The following NKAIN2 variants were observed in gnomAD, a reference collection of about 807,000 sequenced individuals.
NKAIN2 encodes the protein sodium/potassium transporting ATPase interacting 2, also known as sodium/potassium-transporting ATPase subunit beta-1-interacting protein 2.
A neutral mutation model predicts 32.6 loss-of-function variants in NKAIN2; 14 were observed. That is an observed-to-expected ratio of 0.43 (90% confidence interval 0.28 to 0.67). NKAIN2 has a LOEUF of 0.67. NKAIN2 is among the 30% of genes least tolerant of loss of function. The pLI is 0.17. For synonymous variants in NKAIN2, 80 were observed against 87.2 expected, an observed-to-expected ratio of 0.92 and a Z score of 0.46; for missense variants, 198 against 258.3, an observed-to-expected ratio of 0.77 and a Z score of 1.60.
intron 1 of NKAIN2, among the ~76,000 whole-genome samples, chr6:124,005,980 C>T (rs966549730): frequency 3.9e-5 from 6 of 152,182 alleles, no homozygotes; most frequent in African/African-American, 1.4e-4. Flanking sequence ...AGTCCTCTGT[C>T]TCTGACTTGC....
chr6:124,680,566 G>C (rs1267571046), intron 4 of NKAIN2, among the ~76,000 whole-genome samples: 1 of 152,030 alleles, frequency 6.6e-6, no homozygotes, highest in Non-Finnish European at 1.5e-5. Flanking sequence ...TGTCTTAGTG[G>C]TATTTGGCTA....
chr6:124,298,370 G>GA (rs1447677920), intron 2 of NKAIN2, among the ~76,000 whole-genome samples: 1 of 151,860 alleles, frequency 6.6e-6, no homozygotes, highest in African/African-American at 2.4e-5. Flanking sequence ...TGGTTCAGCA[G>GA]AAAAAAGTCC....
intron 1 of NKAIN2, among the ~76,000 whole-genome samples, chr6:124,255,235 T>C (rs1393609420): frequency 1.3e-5 from 2 of 152,222 alleles, no homozygotes; most frequent in Non-Finnish European, 2.9e-5. Context: ...GTTGGCCCCA[T>C]CTTGTGTACA....
intron 2 of NKAIN2, among the ~76,000 whole-genome samples, chr6:124,317,762 C>T (rs941442049): frequency 6.6e-6 from 1 of 152,024 alleles, no homozygotes; most frequent in African/African-American, 2.4e-5. Flanking sequence ...TTATTTTGAT[C>T]ATCAGACTAC....
At chr6:123,940,760 G>A (rs1380972116) in intron 1 of NKAIN2, among the ~76,000 whole-genome samples, 1 of 151,926 alleles carries the variant, frequency 6.6e-6, no homozygotes, top group Admixed American at 6.6e-5. Flanking sequence ...AGTGAGTCAC[G>A]GTGAGTGAAT....
At chr6:124,452,216 C>T (rs531286946) in intron 3 of NKAIN2, among the ~76,000 whole-genome samples, 5 of 149,364 alleles carry the variant, frequency 3.3e-5, no homozygotes, top group South Asian at 2.1e-4. Context: ...AAAAAACTGA[C>T]GTAATCCTTC....
At chr6:124,734,047 G>C (rs1776815071) in intron 4 of NKAIN2, among the ~76,000 whole-genome samples, 4 of 114,334 alleles carry the variant, frequency 3.5e-5, no homozygotes, top group Admixed American at 3.2e-4. Flanking sequence ...TATAATACCA[G>C]AAAATGAGGA....
At chr6:124,101,298 C>A (rs1164399156) in intron 1 of NKAIN2, among the ~76,000 whole-genome samples, 1 of 152,088 alleles carries the variant, frequency 6.6e-6, no homozygotes, top group East Asian at 1.9e-4. Flanking sequence ...TGCCAAACAC[C>A]TGAAGAAAAC....
At chr6:124,336,245 C>T (rs1212440346) in intron 2 of NKAIN2, among the ~76,000 whole-genome samples, 1 of 152,148 alleles carries the variant, frequency 6.6e-6, no homozygotes, top group Non-Finnish European at 1.5e-5. Context: ...GTCAAATCAT[C>T]GTGCAGTTCC....
chr6:124,131,967 G>T (rs1276122002), intron 1 of NKAIN2, among the ~76,000 whole-genome samples: 1 of 152,200 alleles, frequency 6.6e-6, no homozygotes, highest in Non-Finnish European at 1.5e-5. Context: ...GAGGAGAGGT[G>T]TGGCCTGAAA....
Position 123,810,457 on chromosome 6 carries a change from A to G in NKAIN2, c.54+6203A>G, listed in dbSNP as rs1773413217. ...CCGACTTAGGTAATCTTGGGGTTTG[A>G]CAACTATGAGCAGCTGGTGTATGGA... On this transcript the variant is annotated intron_variant, in intron 1 of 6. Coordinates refer to ENST00000368417, the MANE Select transcript of NKAIN2 (RefSeq NM_001040214.3). Among the ~76,000 whole-genome samples, 3 of 152,138 alleles carry G rather than the reference A, an allele frequency of 2.0e-5. No individual in the cohort carries two copies. The South Asian group carries it at 6.2e-4, about 31-fold the overall frequency.
chr6:124,009,622 C>T (rs1176306610), intron 1 of NKAIN2, among the ~76,000 whole-genome samples: 4 of 152,222 alleles, frequency 2.6e-5, no homozygotes, highest in South Asian at 2.1e-4. Flanking sequence ...TCTATACTTG[C>T]CTTCATGCCT....
intron 3 of NKAIN2, among the ~76,000 whole-genome samples, chr6:124,505,681 A>T (rs1160278283): frequency 6.6e-6 from 1 of 152,186 alleles, no homozygotes; most frequent in Non-Finnish European, 1.5e-5. Context: ...ACTATTAAAT[A>T]CAAAAAGAAG....
intron 4 of NKAIN2, among the ~76,000 whole-genome samples, chr6:124,703,400 T>A (rs1774897839): frequency 6.6e-6 from 1 of 152,076 alleles, no homozygotes; most frequent in Admixed American, 6.6e-5. Flanking sequence ...TTGGGCAACT[T>A]TGGAAGGTGC....
intron 3 of NKAIN2, among the ~76,000 whole-genome samples, chr6:124,471,683 T>C (rs1776978680): frequency 6.6e-6 from 1 of 152,188 alleles, no homozygotes; most frequent in South Asian, 2.1e-4. Context: ...CCTACTTTTC[T>C]ATACAACATA....
chr6:123,990,144 T>C (rs925509037), intron 1 of NKAIN2, among the ~76,000 whole-genome samples: 26 of 152,102 alleles, frequency 1.7e-4, no homozygotes, highest in Non-Finnish European at 3.4e-4. Context: ...TGAGACTCAC[T>C]CACTATCATG....
At chr6:124,249,906 C>G (rs1395344218) in intron 1 of NKAIN2, among the ~76,000 whole-genome samples, 1 of 152,062 alleles carries the variant, frequency 6.6e-6, no homozygotes, top group Non-Finnish European at 1.5e-5. Context: ...AGAAAGAAGT[C>G]CTGTCACAGA....
At chr6:124,629,953 G>A (rs1476669406) in intron 3 of NKAIN2, among the ~76,000 whole-genome samples, 1 of 152,084 alleles carries the variant, frequency 6.6e-6, no homozygotes, top group Non-Finnish European at 1.5e-5. Context: ...CATGGAAAGT[G>A]GTTGGGTAGC....
intron 1 of NKAIN2, among the ~76,000 whole-genome samples, chr6:124,080,797 TTC>T (rs1479000560): frequency 6.6e-6 from 1 of 152,166 alleles, no homozygotes; most frequent in Admixed American, 6.6e-5. Flanking sequence ...TTTCCTGTAT[TTC>T]TATAAATGGG....
Sources: gnomAD v4.1 joint callset for allele counts (sites outside exome capture counted in the v4.1 genomes callset) on GRCh38, gnomAD v4.1.1 for gene constraint, MANE v1.5 for transcripts, NCBI Gene and HGNC (gene_info 2026-07-23, HGNC 2026-07-21) for gene names.